The following AKAP7 variants were observed in gnomAD, a reference collection of about 807,000 sequenced individuals.
The protein encoded by AKAP7 is A-kinase anchoring protein 7, also known as A kinase (PRKA) anchor protein 7.
In AKAP7, 39 loss-of-function variants were observed where a neutral mutation model predicts 39.5. That is an observed-to-expected ratio of 0.99 (90% CI 0.76 to 1.29). AKAP7 has a LOEUF of 1.29. Among genes scored for constraint, AKAP7 ranks in the 50% most tolerant of loss-of-function variants. The pLI, the probability that AKAP7 is intolerant of heterozygous loss-of-function variation, is 0.00. For synonymous variants in AKAP7, 140 were observed against 139.1 expected (o/e 1.01, Z -0.05); for missense variants, 414 against 407.7 (o/e 1.02, Z -0.13).
chr6:131,169,124 C>G lies in AKAP7; in HGVS notation c.440C>G (p.Ala147Gly). 1 of 1,610,404 alleles carries G rather than the reference C, an allele frequency of 6.2e-7. No individual in the cohort carries two copies. Among genetic ancestry groups the G allele is most frequent in the Non-Finnish European group, 8.5e-7 (1 of 1,177,074 alleles). Residue 147 changes from alanine to glycine, a missense_variant, in exon 5 of 8, where the codon GCT becomes GGT. Coordinates refer to ENST00000431975, the MANE Select transcript of AKAP7 (RefSeq NM_016377.4). Reference sequence around the variant, plus strand: ...TTATTTCTTACTAGTGGTATTGATGCTCTTTTGGAATTGAAACCATTCATA... The same window carrying G: ...TTATTTCTTACTAGTGGTATTGATGGTCTTTTGGAATTGAAACCATTCATA... ...NEDEVNIGID[A>G]LLELKPFIEE...
intron 7 of AKAP7, among the ~76,000 whole-genome samples, chr6:131,275,778 T>G (rs1814695619): frequency 6.6e-6 from 1 of 152,202 alleles, no homozygotes; most frequent in South Asian, 2.1e-4. Flanking sequence ...GGGGGCTGGC[T>G]TCAGACAGCA....
intron 2 of AKAP7, among the ~76,000 whole-genome samples, chr6:131,156,745 G>C (rs1279010179): frequency 6.6e-6 from 1 of 150,974 alleles, no homozygotes; most frequent in African/African-American, 2.4e-5. Context: ...ACAATGGAGA[G>C]TTTATAAATC....
chr6:131,246,859 T>G (rs1018287138), intron 7 of AKAP7, among the ~76,000 whole-genome samples: 3 of 151,878 alleles, frequency 2.0e-5, no homozygotes, highest in Non-Finnish European at 4.4e-5. Context: ...ATATTGTATA[T>G]AGCTGAGTCT....
upstream of AKAP7, among the ~76,000 whole-genome samples, chr6:131,133,148 TG>T (rs1458831012): frequency 6.6e-6 from 1 of 152,146 alleles, no homozygotes; most frequent in East Asian, 1.9e-4. Context: ...TAAAAAGTCA[TG>T]GTAAATCTTT....
At position 131,281,361 on chromosome 6, in the gene AKAP7, A is replaced by T. The variant is rs954585490; in HGVS notation, c.851-169A>T. Among the ~76,000 whole-genome samples the T allele has an allele frequency of 6.6e-6, 1 of 152,226 alleles. No homozygotes were observed. The highest frequency in any genetic ancestry group is 1.5e-5 in the Non-Finnish European group (1 of 68,030). ...CAATCTGAAGCCTTCAGGAATAGACAGGCTCCTGCTTCTGCAAATACCAAA... is the reference window on the plus strand; with the variant it reads ...CAATCTGAAGCCTTCAGGAATAGACTGGCTCCTGCTTCTGCAAATACCAAA... On this transcript the variant is annotated intron_variant, in intron 7 of 7. Coordinates refer to ENST00000431975, the MANE Select transcript of AKAP7 (RefSeq NM_016377.4). This position sits in a 1 kb window ranked among gnomAD's most constrained non-coding sequence, Gnocchi z 4.0.
chr6:131,125,739 G>C, the AKAP7 span, among the ~76,000 whole-genome samples: 5,610 of 152,268 alleles, frequency 0.037, 126 homozygotes, highest in South Asian at 0.08. Flanking sequence ...CAGCAGGGAA[G>C]GCTAATGAAG....
intron 7 of AKAP7, among the ~76,000 whole-genome samples, chr6:131,266,466 A>G (rs1813807335): frequency 6.6e-6 from 1 of 152,222 alleles, no homozygotes; most frequent in Admixed American, 6.5e-5. Flanking sequence ...TCCATTTCCT[A>G]CAGTAAGAAT....
chr6:131,140,052 ATTGT>A (rs1368289336), intron 1 of AKAP7, among the ~76,000 whole-genome samples: 1 of 152,146 alleles, frequency 6.6e-6, no homozygotes, highest in Non-Finnish European at 1.5e-5. Flanking sequence ...TTTGAAGTTG[ATTGT>A]TCTTAACTGT....
upstream of AKAP7, among the ~76,000 whole-genome samples, chr6:131,135,416 C>T (rs1800439410): frequency 6.6e-6 from 1 of 151,848 alleles, no homozygotes; most frequent in African/African-American, 2.4e-5. Flanking sequence ...CGAGCGCGTC[C>T]GCGCCTCTCG....
chr6:131,184,278 G>T, intron 5 of AKAP7: 1 of 523,166 alleles, frequency 1.9e-6, no homozygotes, highest in South Asian at 1.6e-5. Flanking sequence ...ATGAAGTGGA[G>T]GAGAGAAACA....
chr6:131,159,167 C>T (rs895223185), intron 2 of AKAP7, among the ~76,000 whole-genome samples: 29 of 152,106 alleles, frequency 1.9e-4, no homozygotes, highest in African/African-American at 6.8e-4. Flanking sequence ...CATCTCGGCT[C>T]ACTCCAAGCT....
At chr6:131,196,638 A>G (rs953684894) in intron 5 of AKAP7, among the ~76,000 whole-genome samples, 1 of 152,076 alleles carries the variant, frequency 6.6e-6, no homozygotes, top group Non-Finnish European at 1.5e-5. Flanking sequence ...TTATCTGATA[A>G]AATTCTGAGT....
intron 7 of AKAP7, among the ~76,000 whole-genome samples, chr6:131,276,371 T>C (rs1035056533): frequency 2.0e-5 from 3 of 151,858 alleles, no homozygotes; most frequent in Admixed American, 6.6e-5. Flanking sequence ...CAGATAAGGG[T>C]CCCGGGACCG....
At chr6:131,185,083 G>A (rs774997970) in intron 5 of AKAP7, 8 of 686,030 alleles carry the variant, frequency 1.2e-5, no homozygotes, top group Non-Finnish European at 1.9e-5. Context: ...TCATCAACTC[G>A]GGGATCTGGG....
At position 131,243,970 on chromosome 6, in the gene AKAP7, C is replaced by T. The variant is rs567859861; in HGVS notation, c.850+24162C>T. On this transcript the variant is annotated intron_variant, in intron 7 of 7. Coordinates refer to ENST00000431975, the MANE Select transcript of AKAP7 (RefSeq NM_016377.4). The stretch of plus-strand genomic sequence containing the variant: ...CATGTCTGATAATACAAATACTGGT[C>T]AGTAGATTAAGTATATTCTTTGCTT... Among the ~76,000 whole-genome samples, 160 of 149,750 alleles carry T rather than the reference C, an allele frequency of 1.1e-3. 4 individuals are homozygous for T. In the South Asian group the frequency reaches 0.032, roughly 30 times the overall value.
the AKAP7 span, among the ~76,000 whole-genome samples, chr6:131,129,835 G>A: frequency 6.6e-6 from 1 of 152,158 alleles, no homozygotes; most frequent in Non-Finnish European, 1.5e-5. Flanking sequence ...ATATTTGGCC[G>A]TGTCTTGTAG....
upstream of AKAP7, among the ~76,000 whole-genome samples, chr6:131,132,677 C>T (rs550874175): frequency 2.6e-5 from 4 of 151,894 alleles, no homozygotes; most frequent in Admixed American, 2.0e-4. Flanking sequence ...CTGATTCTTT[C>T]CTCATCATGT....
intron 1 of AKAP7, among the ~76,000 whole-genome samples, chr6:131,138,175 A>G (rs921470065): frequency 5.9e-5 from 9 of 152,066 alleles, no homozygotes; most frequent in African/African-American, 2.2e-4. Context: ...ATGAGTTCAA[A>G]TGTTTTAATT....
intron 6 of AKAP7, among the ~76,000 whole-genome samples, chr6:131,213,005 C>T (rs1334443637): frequency 1.3e-5 from 2 of 152,136 alleles, no homozygotes; most frequent in African/African-American, 4.8e-5. Context: ...GTATTTAGCT[C>T]TCATTTGAAT....
Sources: allele counts gnomAD v4.1 joint callset (sites outside exome capture counted in the v4.1 genomes callset), GRCh38; gene constraint gnomAD v4.1.1; non-coding constraint Gnocchi (gnomAD v3.1); transcripts MANE v1.5; gene names NCBI Gene and HGNC (gene_info 2026-07-23, HGNC 2026-07-21).